NT5C2: variants seen among roughly 807,000 people sequenced by gnomAD.
NT5C2 encodes the protein 5'-nucleotidase, cytosolic II.
Under a neutral mutation model 76.1 loss-of-function variants are expected in NT5C2, and 58 were observed. The observed-to-expected ratio is 0.76, with a 90% CI of 0.62 to 0.95. NT5C2 has a LOEUF of 0.95. Ranked by LOEUF, NT5C2 falls within the 40% of genes least tolerant of loss-of-function variation. The pLI is 0.00. For synonymous variants in NT5C2, 229 were observed against 237.4 expected, an observed-to-expected ratio of 0.96 and a Z score of 0.32; for missense variants, 478 against 690.3, an observed-to-expected ratio of 0.69 and a Z score of 3.45.
chr10:103,130,082 G>C (rs1221323055), intron 4 of NT5C2, among the ~76,000 whole-genome samples: 2 of 151,836 alleles, frequency 1.3e-5, no homozygotes, highest in Admixed American at 6.6e-5. Context: ...GAACGGGCCA[G>C]GATGACAATG....
At chr10:103,114,675 A>G (rs1446928675) in intron 4 of NT5C2, among the ~76,000 whole-genome samples, 1 of 152,222 alleles carries the variant, frequency 6.6e-6, no homozygotes, top group African/African-American at 2.4e-5. Flanking sequence ...ATGGAAATAC[A>G]TTCATTCTTT....
At chr10:103,124,890 G>A (rs1591126045) in intron 4 of NT5C2, 1 of 148,102 alleles carries the variant, frequency 6.8e-6, no homozygotes, top group South Asian at 2.1e-4. Flanking sequence ...TAAATTTAAT[G>A]TAATTATATT....
At chr10:103,178,939 C>CTTTTT (rs1554837744) in intron 2 of NT5C2, among the ~76,000 whole-genome samples, 3 of 117,126 alleles carry the variant, frequency 2.6e-5, no homozygotes, top group Admixed American at 8.2e-5. Context: ...TCTACGTTTT[C>CTTTTT]TTTTTTCTTT....
At chr10:103,172,940 G>T (rs2088622349) in intron 3 of NT5C2, among the ~76,000 whole-genome samples, 1 of 152,144 alleles carries the variant, frequency 6.6e-6, no homozygotes, top group South Asian at 2.1e-4. Context: ...CCCAGGAGGT[G>T]GAGATTACAG....
intron 4 of NT5C2, among the ~76,000 whole-genome samples, chr10:103,128,993 C>T (rs1205821289): frequency 1.8e-5 from 2 of 113,132 alleles, no homozygotes; most frequent in East Asian, 3.4e-4. Flanking sequence ...GTCAACCCCC[C>T]GCCCGGCCAG....
rs2091009490 is a variant in NT5C2 at position 103,181,245 on chromosome 10, A to G, written c.-85T>C. On this transcript the variant is annotated 5_prime_UTR_variant, in exon 2 of 19. Coordinates refer to ENST00000404739, the MANE Select transcript of NT5C2 (RefSeq NM_001351169.2). ...CAGTGGCTCACACTTGTAATCCCAGAACTTTGGGAGGCCGAGGCGAATGGA... is the reference window on the plus strand; with the variant it reads ...CAGTGGCTCACACTTGTAATCCCAGGACTTTGGGAGGCCGAGGCGAATGGA... The G allele has an allele frequency of 6.6e-6, 1 of 152,068 alleles. No homozygotes were observed. Among genetic ancestry groups the G allele is most frequent in the South Asian group, 2.1e-4 (1 of 4,818 alleles). 9.4% of individuals were successfully genotyped at this position (152,068 alleles called of 1,614,324 possible). A position where few individuals can be genotyped will look rare whatever the true frequency, so the allele number is the denominator to read the frequency against.
intron 9 of NT5C2, among the ~76,000 whole-genome samples, chr10:103,099,317 C>T (rs966523985): frequency 3.3e-5 from 5 of 152,132 alleles, no homozygotes; most frequent in Non-Finnish European, 7.4e-5. Context: ...TCAAGCAATC[C>T]ACCTGCCTTG....
intron 10 of NT5C2, among the ~76,000 whole-genome samples, chr10:103,097,752 A>AC (rs1358616774): frequency 1.3e-5 from 2 of 152,248 alleles, no homozygotes; most frequent in East Asian, 3.8e-4. Flanking sequence ...AACATGCTCT[A>AC]CATAGAGATT....
chr10:103,111,044 T>A lies in NT5C2; in HGVS notation c.176-4338A>T, dbSNP rs115633782. 4.9e-3 allele frequency among the ~76,000 whole-genome samples: 744 copies of A among 152,274 alleles called. 1 individual carries two copies. The highest frequency in any genetic ancestry group is 0.017 in the African/African-American group (712 of 41,546). On this transcript the variant is annotated intron_variant, in intron 4 of 18. Coordinates refer to ENST00000404739, the MANE Select transcript of NT5C2 (RefSeq NM_001351169.2). ...CCTCAGATATTTATAGGAAACCACA[T>A]ATATCTCCTCAGACTTAGAGCTTTA...
chr10:103,137,599 T>C (rs2079542000), intron 4 of NT5C2, among the ~76,000 whole-genome samples: 1 of 152,248 alleles, frequency 6.6e-6, no homozygotes, highest in Non-Finnish European at 1.5e-5. Context: ...ATATTAATAG[T>C]TCCTGAGAAG....
chr10:103,151,787 G>A (rs2082450888), intron 3 of NT5C2, among the ~76,000 whole-genome samples: 1 of 151,970 alleles, frequency 6.6e-6, no homozygotes, highest in East Asian at 1.9e-4. Context: ...TCATCCCCAA[G>A]CACAAAATGT....
intron 4 of NT5C2, among the ~76,000 whole-genome samples, chr10:103,138,720 C>T (rs2079800923): frequency 6.6e-6 from 1 of 152,150 alleles, no homozygotes; most frequent in Non-Finnish European, 1.5e-5. Context: ...TTAAGAATAA[C>T]ATACTGTCCG....
chr10:103,153,511 A>T (rs1376772328), intron 3 of NT5C2: 3 of 985,034 alleles, frequency 3.0e-6, no homozygotes, highest in Non-Finnish European at 3.6e-6. Flanking sequence ...CTTAAGAATA[A>T]TTTTTTTAAA....
intron 1 of NT5C2, among the ~76,000 whole-genome samples, chr10:103,190,255 C>G (rs2092535239): frequency 6.6e-6 from 1 of 152,178 alleles, no homozygotes; most frequent in Non-Finnish European, 1.5e-5. Context: ...TCACTCCGCT[C>G]TAATTGCAAA....
rs201371414 is a variant in NT5C2, at chr10:103,183,262, G to GATATATATATATATATATAT, written c.-168-1954_-168-1935dup. On this transcript the variant is annotated intron_variant, in intron 1 of 18. Transcript: ENST00000404739. ...GAGATATATATATATGTGTGTGTGTGATATATATATATATATATATATATA... is the reference window on the plus strand; with the variant it reads ...GAGATATATATATATGTGTGTGTGTGATATATATATATATATATATATATATATATATATATATATATATA... Among the ~76,000 whole-genome samples the GATATATATATATATATATAT allele has an allele frequency of 3.1e-3, 229 of 73,348 alleles. 9 individuals are homozygous for GATATATATATATATATATAT. Among genetic ancestry groups the GATATATATATATATATATAT allele is most frequent in the African/African-American group, 9.7e-3 (149 of 15,320 alleles). 48.1% of individuals were successfully genotyped at this position (73,348 alleles called of 152,430 possible).
chr10:103,141,232 A>T (rs928998202), intron 3 of NT5C2, among the ~76,000 whole-genome samples: 8 of 152,230 alleles, frequency 5.3e-5, no homozygotes, highest in Admixed American at 5.2e-4. Flanking sequence ...CGAGGCAGGC[A>T]GATGGCTTTA....
At chr10:103,162,532 A>G (rs1323498849) in intron 3 of NT5C2, among the ~76,000 whole-genome samples, 2 of 152,200 alleles carry the variant, frequency 1.3e-5, no homozygotes, top group Non-Finnish European at 2.9e-5. Flanking sequence ...CACTAGAATA[A>G]CTTTTAAATT....
At chr10:103,132,698 C>G (rs1037020227) in intron 4 of NT5C2, among the ~76,000 whole-genome samples, 1 of 151,886 alleles carries the variant, frequency 6.6e-6, no homozygotes, top group Non-Finnish European at 1.5e-5. Context: ...TACAGGCGCC[C>G]GCCACCACGC....
At position 103,148,603 on chromosome 10, in the gene NT5C2, CAAAAAA is replaced by C. The variant is rs61288291; in HGVS notation, c.102-9130_102-9125del. Reference sequence around the variant, plus strand: ...TGGGCAACAGAGTGAGACTCCGTCTCAAAAAAAAAAAAAAAGAACAGCCTCCTGTGC... The same window carrying C: ...TGGGCAACAGAGTGAGACTCCGTCTCAAAAAAAAAGAACAGCCTCCTGTGC... On this transcript the variant is annotated intron_variant, in intron 3 of 18. Coordinates refer to ENST00000404739, the MANE Select transcript of NT5C2 (RefSeq NM_001351169.2). Among the ~76,000 whole-genome samples, 4 of 120,172 alleles carry C rather than the reference CAAAAAA, an allele frequency of 3.3e-5. No individual in the cohort carries two copies. The Admixed American group carries it at 3.4e-4, about 10-fold the overall frequency. The allele number at this position is 120,172 out of a possible 152,430, so 78.8% of individuals were successfully genotyped here.
Sources: allele counts gnomAD v4.1 joint callset (sites outside exome capture counted in the v4.1 genomes callset), GRCh38; gene constraint gnomAD v4.1.1; transcripts MANE v1.5; gene names NCBI Gene and HGNC (gene_info 2026-07-23, HGNC 2026-07-21).